The following COLEC10 variants were observed in gnomAD, a reference collection of about 807,000 sequenced individuals.
COLEC10 encodes the protein collectin subfamily member 10.
A neutral mutation model predicts 28.4 loss-of-function variants in COLEC10; 22 were observed. The ratio of observed to expected loss-of-function variants is 0.78; its 90% CI spans 0.55 to 1.11. The LOEUF (loss-of-function observed/expected upper bound fraction) is 1.11. Ranked by LOEUF, COLEC10 falls within the 50% of genes least tolerant of loss-of-function variation. The pLI, the probability that COLEC10 is intolerant of heterozygous loss-of-function variation, is 0.00. For missense variants in COLEC10, 361 were observed against 344.1 expected (o/e 1.05, Z -0.39); for synonymous variants, 125 against 116.1 (o/e 1.08, Z -0.49).
At chr8:119,064,411 G>T (rs931486506), upstream of COLEC10, among the ~76,000 whole-genome samples, 2 of 152,124 alleles carry the variant, frequency 1.3e-5, no homozygotes, top group Non-Finnish European at 2.9e-5. Context: ...CTTATTGTAT[G>T]CCAGGAAATG....
rs1476738494 is a variant in COLEC10 at position 119,083,297 on chromosome 8, A to G, written c.149-6383A>G. Among the ~76,000 whole-genome samples the G allele has an allele frequency of 2.0e-5, 3 of 152,182 alleles. No homozygotes were observed. In the East Asian group the frequency reaches 5.8e-4, roughly 29 times the overall value. On this transcript the variant is annotated intron_variant, in intron 1 of 5. Transcript: ENST00000332843. Reference sequence around the variant, plus strand: ...GATTCGGATTCTTCAATGATAGTCTATCCTCTCTGAGACTCCTGCAGAAAG... The same window carrying G: ...GATTCGGATTCTTCAATGATAGTCTGTCCTCTCTGAGACTCCTGCAGAAAG...
intron 5 of COLEC10, 123 bp from the exon 6 acceptor site, chr8:119,105,677 A>T: frequency 1.1e-6 from 1 of 912,892 alleles, no homozygotes; most frequent in Non-Finnish European, 1.6e-6. Context: ...ACCTCATAAT[A>T]GGGCTTTGAA....
intron 3 of COLEC10, 130 bp from the exon 4 acceptor site, chr8:119,102,206 TCCTTCCTCCCTC>T (rs57752995): frequency 0.32 from 113,949 of 359,980 alleles, 26,076 homozygotes; most frequent in African/African-American, 0.35. Flanking sequence ...GTAAATTCAC[TCCTTCCTCCCTC>T]CCTCCCTCCC....
At chr8:119,064,316 A>C (rs1053929360), upstream of COLEC10, among the ~76,000 whole-genome samples, 6 of 152,192 alleles carry the variant, frequency 3.9e-5, no homozygotes, top group Non-Finnish European at 8.8e-5. Context: ...GGGGGGCAGA[A>C]TATGCCAAGA....
At chr8:119,035,754 G>A (rs1410152998) in intron 2 of COLEC10, among the ~76,000 whole-genome samples, 1 of 152,092 alleles carries the variant, frequency 6.6e-6, no homozygotes, top group Non-Finnish European at 1.5e-5. Flanking sequence ...AGTTATAATT[G>A]TATTTTTAAA....
intron 1 of COLEC10, among the ~76,000 whole-genome samples, chr8:119,082,445 A>G (rs1173564237): frequency 6.6e-6 from 1 of 152,206 alleles, no homozygotes; most frequent in Non-Finnish European, 1.5e-5. Context: ...GCAATCACCT[A>G]TTTACTGCTT....
At chr8:119,033,145 G>A (rs1037939466) in intron 2 of COLEC10, among the ~76,000 whole-genome samples, 1 of 152,170 alleles carries the variant, frequency 6.6e-6, no homozygotes, top group Non-Finnish European at 1.5e-5. Context: ...GCATGGGGCT[G>A]AACGTAACAG....
rs34152820 is a variant in COLEC10, at chr8:119,092,066, A to ATT, written c.292+866_292+867dup. 1.3e-3 allele frequency among the ~76,000 whole-genome samples: 161 copies of ATT among 124,452 alleles called. 3 individuals carry two copies. The East Asian group carries it at 0.017, about 13-fold the overall frequency. The allele number at this position is 124,452 out of a possible 152,430, so 81.6% of individuals were successfully genotyped here. On this transcript the variant is annotated intron_variant, in intron 3 of 5. Coordinates refer to ENST00000332843, the MANE Select transcript of COLEC10 (RefSeq NM_006438.5). ...CCCACTTGTTTTCAGTCTTGTCCTA[A>ATT]TTTTTTTTTTTTTTTTTTTTTGAGA...
chr8:118,998,360 C>A (rs1314826146), intron 1 of COLEC10, among the ~76,000 whole-genome samples: 1 of 152,072 alleles, frequency 6.6e-6, no homozygotes, highest in Admixed American at 6.6e-5. Context: ...TCAATTGGCT[C>A]TATTCCTATC....
the COLEC10 span, among the ~76,000 whole-genome samples, chr8:118,961,448 T>C: frequency 6.6e-6 from 1 of 152,222 alleles, no homozygotes; most frequent in Non-Finnish European, 1.5e-5. Flanking sequence ...TGTGGGTGGG[T>C]GCCAAGATGG....
intron 2 of COLEC10, among the ~76,000 whole-genome samples, chr8:119,050,583 A>G (rs1484618700): frequency 6.6e-6 from 1 of 152,218 alleles, no homozygotes. Context: ...AATTTATTCT[A>G]CTTTAGTAAA....
intron 1 of COLEC10, among the ~76,000 whole-genome samples, chr8:119,070,573 C>CA (rs1815096604): frequency 1.7e-5 from 1 of 58,786 alleles, no homozygotes; most frequent in Non-Finnish European, 3.4e-5. Context: ...TCTCTCCCCC[C>CA]ACCCCTTCTC....
the COLEC10 span, among the ~76,000 whole-genome samples, chr8:118,980,464 A>T: frequency 6.6e-6 from 1 of 152,078 alleles, no homozygotes; most frequent in East Asian, 1.9e-4. Context: ...AAGGGCTAGG[A>T]TTACAGGCGT....
At chr8:119,077,368 G>T (rs1473547444) in intron 1 of COLEC10, among the ~76,000 whole-genome samples, 1 of 145,092 alleles carries the variant, frequency 6.9e-6, no homozygotes, top group Admixed American at 7.3e-5. Context: ...TTTTGATTCT[G>T]TAATATTTTA....
intron 1 of COLEC10, among the ~76,000 whole-genome samples, chr8:119,005,079 A>G (rs977626910): frequency 6.6e-6 from 1 of 152,220 alleles, no homozygotes; most frequent in Admixed American, 6.6e-5. Context: ...TTTTCATCAC[A>G]TAAAAAGATC....
At chr8:119,103,771 A>G (rs1815885411) in intron 4 of COLEC10, 29 bp from the exon 5 acceptor site, 1 of 1,398,296 alleles carries the variant, frequency 7.2e-7, no homozygotes, top group Non-Finnish European at 1.0e-6. Context: ...GTACTTCAAC[A>G]TGAATTCACA....
chr8:119,078,830 C>T (rs1324812473), intron 1 of COLEC10, among the ~76,000 whole-genome samples: 1 of 152,094 alleles, frequency 6.6e-6, no homozygotes, highest in Non-Finnish European at 1.5e-5. Context: ...TTAACACCAA[C>T]CTAATAACTA....
At chr8:119,014,719 C>T (rs887738574) in intron 2 of COLEC10, among the ~76,000 whole-genome samples, 8 of 150,928 alleles carry the variant, frequency 5.3e-5, no homozygotes, top group Non-Finnish European at 1.2e-4. Context: ...GTAGTTGTCT[C>T]ACAATTCTTG....
intron 2 of COLEC10, among the ~76,000 whole-genome samples, chr8:119,015,810 G>C (rs1412024690): frequency 6.6e-6 from 1 of 152,118 alleles, no homozygotes; most frequent in Non-Finnish European, 1.5e-5. Context: ...ATAACTTCTT[G>C]TTAGGACAGA....
Sources: gnomAD v4.1 joint callset for allele counts (sites outside exome capture counted in the v4.1 genomes callset) on GRCh38, gnomAD v4.1.1 for gene constraint, MANE v1.5 for transcripts, NCBI Gene and HGNC (gene_info 2026-07-23, HGNC 2026-07-21) for gene names.